The following CAB39 variants were observed in gnomAD, a reference collection of about 807,000 sequenced individuals.
The protein encoded by CAB39 is calcium-binding protein 39.
In CAB39, 8 loss-of-function variants were observed where a neutral mutation model predicts 40.0. That is an observed-to-expected ratio of 0.20 (90% CI 0.12 to 0.36). The LOEUF (loss-of-function observed/expected upper bound fraction) is 0.36, where lower values mean the gene tolerates loss of function less well. Among genes scored for constraint, CAB39 ranks in the 10% least tolerant of loss-of-function variants. The pLI is 1.00. For synonymous variants in CAB39, 156 were observed against 141.6 expected (o/e 1.10, Z -0.72); for missense variants, 270 against 401.1 (o/e 0.67, Z 2.79).
At chr2:230,732,754 AATG>A (rs1278516344) in intron 1 of CAB39, among the ~76,000 whole-genome samples, 8 of 152,180 alleles carry the variant, frequency 5.3e-5, no homozygotes, top group Admixed American at 4.6e-4. Context: ...GGATGGGATA[AATG>A]ATGATGATAA....
chr2:230,813,205 A>G (rs552398705), intron 6 of CAB39, among the ~76,000 whole-genome samples: 1 of 152,330 alleles, frequency 6.6e-6, no homozygotes, highest in African/African-American at 2.4e-5. Context: ...GGCCTTGTCT[A>G]CTAGGTTTTT....
intron 1 of CAB39, among the ~76,000 whole-genome samples, chr2:230,748,831 A>AAAAATATATATAT (rs1386799920): frequency 4.2e-4 from 12 of 28,506 alleles, no homozygotes; most frequent in East Asian, 1.5e-3. Flanking sequence ...AAAAAAAAAA[A>AAAAATATATATAT]ATATATATAT....
At chr2:230,774,853 T>C (rs1416237210) in intron 2 of CAB39, among the ~76,000 whole-genome samples, 2 of 152,150 alleles carry the variant, frequency 1.3e-5, no homozygotes, top group Non-Finnish European at 2.9e-5. Context: ...GCAGACATTT[T>C]CTTTAGTAAA....
intron 2 of CAB39, among the ~76,000 whole-genome samples, chr2:230,778,536 C>T (rs1351428205): frequency 3.3e-5 from 5 of 152,132 alleles, no homozygotes; most frequent in Non-Finnish European, 7.4e-5. Flanking sequence ...AATACGAAAC[C>T]TCCTGAGGTT....
chr2:230,740,605 C>T (rs1409618229), intron 1 of CAB39, among the ~76,000 whole-genome samples: 1 of 152,122 alleles, frequency 6.6e-6, no homozygotes, highest in Non-Finnish European at 1.5e-5. Flanking sequence ...AACTGTGCCA[C>T]CTCAGACCAT....
intron 1 of CAB39, among the ~76,000 whole-genome samples, chr2:230,730,259 C>A (rs1442339431): frequency 2.0e-5 from 3 of 152,044 alleles, no homozygotes; most frequent in Admixed American, 1.3e-4. Context: ...CAGGTGCACA[C>A]CACCACACCG....
chr2:230,791,665 G>A (rs924191235), intron 3 of CAB39, among the ~76,000 whole-genome samples: 5 of 152,188 alleles, frequency 3.3e-5, no homozygotes, highest in East Asian at 1.9e-4. Flanking sequence ...ATCACAGGGC[G>A]TCTACACCTG....
chr2:230,799,797 C>T (rs1696054778), intron 5 of CAB39, among the ~76,000 whole-genome samples: 1 of 152,090 alleles, frequency 6.6e-6, no homozygotes, highest in Admixed American at 6.5e-5. Context: ...TCGAGACCAG[C>T]CTCACCAACA....
chr2:230,733,780 G>A (rs1378305129), intron 1 of CAB39, among the ~76,000 whole-genome samples: 3 of 152,156 alleles, frequency 2.0e-5, no homozygotes, highest in East Asian at 1.9e-4. Context: ...AAGTTTTAGA[G>A]CAAATGTTTC....
chr2:230,714,221 G>A (rs1694308051), intron 1 of CAB39, among the ~76,000 whole-genome samples: 1 of 152,176 alleles, frequency 6.6e-6, no homozygotes, highest in South Asian at 2.1e-4. Flanking sequence ...CATTCTAAGA[G>A]AAACTTAGAG....
At chr2:230,771,320 A>C (rs192502750) in intron 2 of CAB39, among the ~76,000 whole-genome samples, 1 of 152,290 alleles carries the variant, frequency 6.6e-6, no homozygotes, top group Non-Finnish European at 1.5e-5. Context: ...AGAATGGAAA[A>C]AAAGAAAAAG....
At chr2:230,734,072 A>G (rs1694742413) in intron 1 of CAB39, among the ~76,000 whole-genome samples, 1 of 152,206 alleles carries the variant, frequency 6.6e-6, no homozygotes, top group African/African-American at 2.4e-5. Context: ...GGCCCTCTAA[A>G]AGGTGAAGAG....
At chr2:230,818,127 T>A (rs903937912) in intron 8 of CAB39, 3 of 503,804 alleles carry the variant, frequency 6.0e-6, no homozygotes, top group Non-Finnish European at 1.0e-5. Context: ...GTGTCATTTA[T>A]CTTTGGCCTA....
intron 1 of CAB39, among the ~76,000 whole-genome samples, chr2:230,756,055 T>A: frequency 6.6e-6 from 1 of 152,180 alleles, no homozygotes; most frequent in South Asian, 2.1e-4. Context: ...GAGAAAGCAG[T>A]ACCAGCTGAA....
chr2:230,717,716 C>A (rs988613989), intron 1 of CAB39, among the ~76,000 whole-genome samples: 11 of 152,162 alleles, frequency 7.2e-5, no homozygotes, highest in African/African-American at 2.7e-4. Context: ...CAGCTAGTTG[C>A]CATCTGCATT....
chr2:230,748,831 A>AAAAATATATATATATAT (rs1386799920), intron 1 of CAB39, among the ~76,000 whole-genome samples: 1 of 28,504 alleles, frequency 3.5e-5, no homozygotes, highest in Non-Finnish European at 6.3e-5. Context: ...AAAAAAAAAA[A>AAAAATATATATATATAT]ATATATATAT....
intron 1 of CAB39, among the ~76,000 whole-genome samples, chr2:230,757,593 C>T (rs984649866): frequency 6.6e-6 from 1 of 152,134 alleles, no homozygotes; most frequent in Non-Finnish European, 1.5e-5. Context: ...TTGTAAACCT[C>T]TGTTACCCTG....
At chr2:230,794,568 G>A (rs1695947423) in intron 4 of CAB39, among the ~76,000 whole-genome samples, 1 of 152,168 alleles carries the variant, frequency 6.6e-6, no homozygotes, top group African/African-American at 2.4e-5. Flanking sequence ...TAAATGGCAT[G>A]TCAAGAAAGA....
chr2:230,786,163 CAAAAAAAAAAA>C (rs369510604), intron 2 of CAB39, among the ~76,000 whole-genome samples: 15 of 72,746 alleles, frequency 2.1e-4, no homozygotes, highest in Non-Finnish European at 3.6e-4. Context: ...GACTCTGTCT[CAAAAAAAAAAA>C]AAAAAAAAAA....
Sources: allele counts gnomAD v4.1 joint callset (sites outside exome capture counted in the v4.1 genomes callset), GRCh38; gene constraint gnomAD v4.1.1; transcripts MANE v1.5; gene names NCBI Gene and HGNC (gene_info 2026-07-23, HGNC 2026-07-21).